ARB2A: variants seen among roughly 807,000 people sequenced by gnomAD.
The protein encoded by ARB2A is cotranscriptional regulator ARB2A.
the ARB2A span, among the ~76,000 whole-genome samples, chr5:93,888,828 G>T: frequency 2.0e-5 from 3 of 151,648 alleles, no homozygotes; most frequent in Admixed American, 2.0e-4. Flanking sequence ...ATCAGTGCTT[G>T]TGGTGCTAGA....
chr5:93,763,891 AACTC>A, the ARB2A span, among the ~76,000 whole-genome samples: 2 of 152,220 alleles, frequency 1.3e-5, no homozygotes, highest in African/African-American at 4.8e-5. Flanking sequence ...AGGATTAGGA[AACTC>A]ACTCAAAACT....
At chr5:93,712,120 C>CA in the ARB2A span, among the ~76,000 whole-genome samples, 21 of 152,146 alleles carry the variant, frequency 1.4e-4, no homozygotes, top group African/African-American at 5.1e-4. Flanking sequence ...CTCTGTAACT[C>CA]AAACACGGAT....
the ARB2A span, among the ~76,000 whole-genome samples, chr5:93,718,331 C>T: frequency 3.3e-5 from 5 of 151,674 alleles, no homozygotes; most frequent in African/African-American, 7.3e-5. Flanking sequence ...CCCAGCTACT[C>T]GGGAGGCTGA....
At chr5:94,092,423 G>A in the ARB2A span, among the ~76,000 whole-genome samples, 1 of 152,060 alleles carries the variant, frequency 6.6e-6, no homozygotes, top group Non-Finnish European at 1.5e-5. Context: ...AGCAAAGTTT[G>A]GATAGCATGG....
At chr5:94,072,265 C>G in the ARB2A span, among the ~76,000 whole-genome samples, 1 of 152,036 alleles carries the variant, frequency 6.6e-6, no homozygotes, top group East Asian at 1.9e-4. Flanking sequence ...AAGGGACTTG[C>G]TAGTGGTGGA....
the ARB2A span, among the ~76,000 whole-genome samples, chr5:94,000,393 T>C: frequency 6.6e-6 from 1 of 152,122 alleles, no homozygotes; most frequent in Non-Finnish European, 1.5e-5. Flanking sequence ...TTGTTTTAAT[T>C]TGCATTTCCC....
At chr5:93,993,398 G>A in the ARB2A span, among the ~76,000 whole-genome samples, 211 of 151,952 alleles carry the variant, frequency 1.4e-3, 6 homozygotes, top group Admixed American at 5.9e-4. Context: ...TTGAATCTAC[G>A]AAGTCCACTC....
At chr5:93,945,118 G>GT in the ARB2A span, among the ~76,000 whole-genome samples, 1 of 152,226 alleles carries the variant, frequency 6.6e-6, no homozygotes, top group Non-Finnish European at 1.5e-5. Flanking sequence ...GGCCAACACT[G>GT]TAAGAGACAA....
At chr5:93,824,108 C>A in the ARB2A span, 3 of 1,489,994 alleles carry the variant, frequency 2.0e-6, no homozygotes, top group Non-Finnish European at 1.8e-6. Context: ...GATAAACCTA[C>A]AAGGAGACTG....
the ARB2A span, among the ~76,000 whole-genome samples, chr5:93,754,383 C>G: frequency 6.6e-6 from 1 of 152,164 alleles, no homozygotes; most frequent in African/African-American, 2.4e-5. Context: ...CCCTGGTACC[C>G]ACAGCAATGT....
At chr5:93,891,132 T>C in the ARB2A span, among the ~76,000 whole-genome samples, 1 of 152,146 alleles carries the variant, frequency 6.6e-6, no homozygotes, top group Admixed American at 6.6e-5. Context: ...ACTTATAAGA[T>C]TTACCGTGAA....
the ARB2A span, among the ~76,000 whole-genome samples, chr5:93,998,528 C>T: frequency 6.6e-6 from 1 of 151,682 alleles, no homozygotes; most frequent in Admixed American, 6.6e-5. Context: ...AAATATTTAC[C>T]TGAATAAAGA....
chr5:93,736,705 A>G, the ARB2A span: 1 of 152,202 alleles, frequency 6.6e-6, no homozygotes, highest in African/African-American at 2.4e-5. Flanking sequence ...ATAGGATTTC[A>G]TATTTCCCTT....
the ARB2A span, among the ~76,000 whole-genome samples, chr5:93,837,990 T>C: frequency 6.6e-6 from 1 of 152,226 alleles, no homozygotes; most frequent in Non-Finnish European, 1.5e-5. Context: ...TCTTTTGCTG[T>C]GCAGAGATCT....
At chr5:93,852,427 T>C in the ARB2A span, among the ~76,000 whole-genome samples, 1 of 152,212 alleles carries the variant, frequency 6.6e-6, no homozygotes, top group Non-Finnish European at 1.5e-5. Flanking sequence ...TGATGGTAGT[T>C]TCCTTTGCTA....
the ARB2A span, among the ~76,000 whole-genome samples, chr5:93,839,542 G>C: frequency 1.3e-4 from 20 of 152,032 alleles, no homozygotes; most frequent in Non-Finnish European, 1.5e-5. Flanking sequence ...TTATAGAATG[G>C]GTTAGGGTAA....
At chr5:93,896,337 TC>T in the ARB2A span, among the ~76,000 whole-genome samples, 1 of 152,050 alleles carries the variant, frequency 6.6e-6, no homozygotes, top group Non-Finnish European at 1.5e-5. Context: ...ACTGCACAAT[TC>T]CCCAAGTGCA....
At chr5:93,822,917 T>G in the ARB2A span, among the ~76,000 whole-genome samples, 1 of 152,132 alleles carries the variant, frequency 6.6e-6, no homozygotes, top group Non-Finnish European at 1.5e-5. Flanking sequence ...AGCTAAAATA[T>G]TCTCAGATGT....
At chr5:93,858,431 G>A in the ARB2A span, among the ~76,000 whole-genome samples, 1 of 152,180 alleles carries the variant, frequency 6.6e-6, no homozygotes, top group African/African-American at 2.4e-5. Context: ...CAGCTTTGCA[G>A]GCAGGCTTTT....
Sources: gnomAD v4.1 joint callset for allele counts (sites outside exome capture counted in the v4.1 genomes callset) on GRCh38, gnomAD v4.1.1 for gene constraint, MANE v1.5 for transcripts, NCBI Gene and HGNC (gene_info 2026-07-23, HGNC 2026-07-21) for gene names.